CCSER1: variants seen among roughly 807,000 people sequenced by gnomAD.
The protein encoded by CCSER1 is serine-rich coiled-coil domain-containing protein 1.
Under a neutral mutation model 82.0 loss-of-function variants are expected in CCSER1, and 41 were observed. That is an observed-to-expected ratio of 0.50 (90% confidence interval 0.39 to 0.65). The LOEUF (loss-of-function observed/expected upper bound fraction) is 0.65, where lower values mean the gene tolerates loss of function less well. Ranked by LOEUF, CCSER1 falls within the 30% of genes least tolerant of loss-of-function variation. The probability of loss-of-function intolerance (pLI) is 0.00; values close to 1 mark genes in which losing one functional copy is unlikely to be tolerated. For missense variants in CCSER1, 1,119 were observed against 1,064.2 expected, an observed-to-expected ratio of 1.05 and a Z score of -0.72; for synonymous variants, 414 against 383.9, an observed-to-expected ratio of 1.08 and a Z score of -0.92.
At chr4:90,937,037 T>G (rs1177886713) in intron 9 of CCSER1, among the ~76,000 whole-genome samples, 1 of 152,210 alleles carries the variant, frequency 6.6e-6, no homozygotes, top group African/African-American at 2.4e-5. Context: ...ACAAGTTTTT[T>G]TGTCTTCATA....
intron 9 of CCSER1, among the ~76,000 whole-genome samples, chr4:91,009,933 A>C (rs114004818): frequency 0.015 from 2,260 of 152,264 alleles, 60 homozygotes; most frequent in African/African-American, 0.052. Flanking sequence ...CTATTTATAG[A>C]GCACCATAAC....
intron 9 of CCSER1, among the ~76,000 whole-genome samples, chr4:90,942,280 T>A (rs1561399162): frequency 1.3e-5 from 2 of 152,092 alleles, no homozygotes; most frequent in Non-Finnish European, 2.9e-5. Context: ...TTAAATGACA[T>A]CTTTTGGTAT....
intron 1 of CCSER1, among the ~76,000 whole-genome samples, chr4:90,246,624 T>C (rs773794561): frequency 5.9e-5 from 9 of 152,118 alleles, no homozygotes; most frequent in Admixed American, 1.3e-4. Flanking sequence ...CACTGCTGGG[T>C]ACAGCAATGA....
chr4:91,110,719 A>C (rs1726025495), intron 10 of CCSER1, among the ~76,000 whole-genome samples: 1 of 151,998 alleles, frequency 6.6e-6, no homozygotes, highest in African/African-American at 2.4e-5. Flanking sequence ...TATGGCTTCT[A>C]ATATGTAGTA....
chr4:90,574,350 G>A (rs1780481924), intron 5 of CCSER1, among the ~76,000 whole-genome samples: 1 of 139,482 alleles, frequency 7.2e-6, no homozygotes, highest in Non-Finnish European at 1.5e-5. Flanking sequence ...CTCACTGCAA[G>A]CTCCGCTTCC....
intron 10 of CCSER1, among the ~76,000 whole-genome samples, chr4:91,345,622 G>T (rs1717068755): frequency 6.6e-6 from 1 of 152,022 alleles, no homozygotes; most frequent in Non-Finnish European, 1.5e-5. Flanking sequence ...CCTGATTATT[G>T]ACATCTTGTA....
In CCSER1 at chr4:91,496,752, AAT is replaced by A. The variant is rs374936351; in HGVS notation, c.2218-101809_2218-101808del. ...TATATATATATTGAATATATATTTG[AAT>A]ATATATATATTCAATATATATTGAA... is the stretch of plus-strand genomic sequence containing the variant. On this transcript the variant is annotated intron_variant, in intron 10 of 10. Coordinates refer to ENST00000509176, the MANE Select transcript of CCSER1 (RefSeq NM_001145065.2). 4.9e-4 allele frequency among the ~76,000 whole-genome samples: 10 copies of A among 20,616 alleles called. 2 individuals are homozygous for A. The highest frequency in any genetic ancestry group is 1.0e-3 in the African/African-American group (9 of 8,576). The allele number at this position is 20,616 out of a possible 152,430, so 13.5% of individuals were successfully genotyped here.
At chr4:90,290,119 C>G (rs1197332306) in intron 1 of CCSER1, among the ~76,000 whole-genome samples, 1 of 151,706 alleles carries the variant, frequency 6.6e-6, no homozygotes, top group Non-Finnish European at 1.5e-5. Context: ...ATTTTTAACT[C>G]CTGGTACATT....
intron 10 of CCSER1, among the ~76,000 whole-genome samples, chr4:91,585,211 T>C (rs923360099): frequency 6.6e-6 from 1 of 151,546 alleles, no homozygotes; most frequent in African/African-American, 2.4e-5. Flanking sequence ...GTCTCATAAA[T>C]ATATACTTAC....
chr4:91,149,419 T>G (rs564516313), intron 10 of CCSER1, among the ~76,000 whole-genome samples: 1 of 152,336 alleles, frequency 6.6e-6, no homozygotes, highest in African/African-American at 2.4e-5. Context: ...TTTCTCCCAT[T>G]CTGTAGGTTG....
intron 7 of CCSER1, among the ~76,000 whole-genome samples, chr4:90,726,047 T>C (rs1343847447): frequency 6.6e-6 from 1 of 151,936 alleles, no homozygotes; most frequent in Non-Finnish European, 1.5e-5. Context: ...CACCCTAACA[T>C]TAGAAGAGCA....
intron 6 of CCSER1, among the ~76,000 whole-genome samples, chr4:90,658,381 G>T (rs1430347212): frequency 6.6e-6 from 1 of 152,112 alleles, no homozygotes; most frequent in East Asian, 1.9e-4. Context: ...CAGTCATTGG[G>T]AACCTAGTGG....
At chr4:90,472,803 G>C (rs1764570546) in intron 5 of CCSER1, among the ~76,000 whole-genome samples, 1 of 152,134 alleles carries the variant, frequency 6.6e-6, no homozygotes, top group African/African-American at 2.4e-5. Flanking sequence ...CAATAGCAGA[G>C]TCATGAAATC....
At chr4:91,253,007 G>A (rs963561128) in intron 10 of CCSER1, among the ~76,000 whole-genome samples, 5 of 151,422 alleles carry the variant, frequency 3.3e-5, no homozygotes, top group Non-Finnish European at 5.9e-5. Flanking sequence ...GAGATTGGCA[G>A]AATGGACTAA....
At chr4:90,876,000 G>T (rs1767155779) in intron 8 of CCSER1, among the ~76,000 whole-genome samples, 1 of 151,972 alleles carries the variant, frequency 6.6e-6, no homozygotes, top group African/African-American at 2.4e-5. Context: ...TCATGAATAG[G>T]GTGCTTTGAG....
At chr4:91,252,581 A>G (rs1740335087) in intron 10 of CCSER1, among the ~76,000 whole-genome samples, 1 of 152,198 alleles carries the variant, frequency 6.6e-6, no homozygotes, top group Admixed American at 6.6e-5. Flanking sequence ...TTATTTCTAC[A>G]TAAGTTTAAT....
intron 3 of CCSER1, among the ~76,000 whole-genome samples, chr4:90,336,921 T>C (rs1740511912): frequency 6.6e-6 from 1 of 152,210 alleles, no homozygotes; most frequent in African/African-American, 2.4e-5. Context: ...ATCTACAGAC[T>C]GGCCCTAAGC....
At chr4:90,882,983 T>G (rs1014276281) in intron 8 of CCSER1, among the ~76,000 whole-genome samples, 1 of 152,064 alleles carries the variant, frequency 6.6e-6, no homozygotes, top group African/African-American at 2.4e-5. Flanking sequence ...ATTTTATGTT[T>G]AGAACAATTC....
At position 90,795,446 on chromosome 4, in the gene CCSER1, A is replaced by G. The variant is rs535506460; in HGVS notation, c.2011-20316A>G. Among the ~76,000 whole-genome samples the G allele has an allele frequency of 1.2e-4, 19 of 152,238 alleles. No individual in the cohort carries two copies. In the South Asian group the frequency reaches 3.9e-3, roughly 32 times the overall value. On this transcript the variant is annotated intron_variant, in intron 7 of 10. Transcript: ENST00000509176. ...AGGATCATGCTTTCTGCAAACAGGGATAGTTTGACATCCTATCTTCCTATT... is the reference window on the plus strand; with the variant it reads ...AGGATCATGCTTTCTGCAAACAGGGGTAGTTTGACATCCTATCTTCCTATT...
Sources: allele counts gnomAD v4.1 joint callset (sites outside exome capture counted in the v4.1 genomes callset), GRCh38; gene constraint gnomAD v4.1.1; transcripts MANE v1.5; gene names NCBI Gene and HGNC (gene_info 2026-07-23, HGNC 2026-07-21).